The following TTC39C variants were observed in gnomAD, a reference collection of about 807,000 sequenced individuals.
TTC39C encodes the protein tetratricopeptide repeat protein 39C.
In TTC39C, 33 loss-of-function variants were observed where a neutral mutation model predicts 76.3. That is an observed-to-expected ratio of 0.43 (90% confidence interval 0.33 to 0.58). TTC39C has a LOEUF of 0.58. Among genes scored for constraint, TTC39C ranks in the 20% least tolerant of loss-of-function variants. The pLI, the probability that TTC39C is intolerant of heterozygous loss-of-function variation, is 0.04. For missense variants in TTC39C, 595 were observed against 701.4 expected, an observed-to-expected ratio of 0.85 and a Z score of 1.71; for synonymous variants, 254 against 260.6, an observed-to-expected ratio of 0.97 and a Z score of 0.24.
intron 6 of TTC39C, among the ~76,000 whole-genome samples, chr18:24,111,139 T>C (rs970112971): frequency 1.3e-5 from 2 of 152,076 alleles, no homozygotes; most frequent in African/African-American, 2.4e-5. Context: ...TACAGACATG[T>C]GCCACCACGC....
At chr18:24,035,953 T>C (rs901340412) in intron 1 of TTC39C, among the ~76,000 whole-genome samples, 4 of 152,222 alleles carry the variant, frequency 2.6e-5, no homozygotes, top group Admixed American at 2.6e-4. Context: ...CTTAATATTT[T>C]GTATGGTATA....
chr18:24,006,133 C>T (rs2083350323), intron 1 of TTC39C, among the ~76,000 whole-genome samples: 1 of 151,826 alleles, frequency 6.6e-6, no homozygotes, highest in Non-Finnish European at 1.5e-5. Flanking sequence ...CCACCTTAGT[C>T]TCCCAAGGAG....
At chr18:23,999,388 G>T (rs2083294273) in intron 1 of TTC39C, among the ~76,000 whole-genome samples, 1 of 152,174 alleles carries the variant, frequency 6.6e-6, no homozygotes, top group South Asian at 2.1e-4. Flanking sequence ...CTCTGGATGG[G>T]CCATATGGAG....
chr18:24,103,576 C>A (rs1275886901), intron 6 of TTC39C, among the ~76,000 whole-genome samples: 1 of 152,242 alleles, frequency 6.6e-6, no homozygotes, highest in African/African-American at 2.4e-5. Context: ...AGGTCAGCGT[C>A]AGCTTTTATC....
intron 1 of TTC39C, among the ~76,000 whole-genome samples, chr18:24,041,363 C>T (rs1310821838): frequency 6.6e-6 from 1 of 152,200 alleles, no homozygotes; most frequent in East Asian, 1.9e-4. Context: ...ACTCTGGGCT[C>T]CACCTTGCAG....
intron 4 of TTC39C, among the ~76,000 whole-genome samples, chr18:24,071,498 CTTT>C (rs1187132450): frequency 2.0e-5 from 3 of 152,200 alleles, no homozygotes; most frequent in African/African-American, 7.2e-5. Flanking sequence ...GAGAAAATCT[CTTT>C]TTATTAATGA....
chr18:24,060,221 C>A (rs1272238575), intron 1 of TTC39C, among the ~76,000 whole-genome samples: 1 of 152,080 alleles, frequency 6.6e-6, no homozygotes, highest in East Asian at 1.9e-4. Flanking sequence ...TCTCCACAAC[C>A]TTGCCAGCAT....
At chr18:24,013,840 A>T (rs1224036773), upstream of TTC39C, among the ~76,000 whole-genome samples, 2 of 152,270 alleles carry the variant, frequency 1.3e-5, no homozygotes, top group Non-Finnish European at 2.9e-5. Context: ...TTCTGTGATA[A>T]TGGTTAAATT....
At chr18:24,098,413 C>CCTCCTTCCTTCCTCCCTCCCTCCCTCT (rs2084620373) in intron 6 of TTC39C, among the ~76,000 whole-genome samples, 4 of 99,804 alleles carry the variant, frequency 4.0e-5, no homozygotes, top group Non-Finnish European at 7.5e-5. Context: ...TCCCTCCCTC[C>CCTCCTTCCTTCCTCCCTCCCTCCCTCT]CTCCTTCCTT....
At chr18:24,072,216 G>A (rs1368254753) in intron 4 of TTC39C, among the ~76,000 whole-genome samples, 2 of 151,100 alleles carry the variant, frequency 1.3e-5, no homozygotes, top group African/African-American at 4.9e-5. Flanking sequence ...GAGCGGGGCA[G>A]CACTGAGGGG....
At chr18:24,124,887 C>T (rs1053117564) in intron 9 of TTC39C, among the ~76,000 whole-genome samples, 2 of 152,030 alleles carry the variant, frequency 1.3e-5, no homozygotes, top group Admixed American at 6.6e-5. Flanking sequence ...ATATACACTG[C>T]GTCTTTTTTT....
chr18:24,021,836 A>G (rs1001940436), intron 1 of TTC39C, among the ~76,000 whole-genome samples: 4 of 152,180 alleles, frequency 2.6e-5, no homozygotes, highest in Admixed American at 2.6e-4. Flanking sequence ...GTTATTACAG[A>G]GAAAGCCCCT....
intron 1 of TTC39C, chr18:24,019,762 G>C (rs2083496777): frequency 1.1e-6 from 1 of 916,724 alleles, no homozygotes; most frequent in African/African-American, 1.7e-5. Flanking sequence ...GTTATGTGTG[G>C]TCTGTGGTTG....
At chr18:24,057,376 A>G (rs2084029333) in intron 1 of TTC39C, among the ~76,000 whole-genome samples, 1 of 152,210 alleles carries the variant, frequency 6.6e-6, no homozygotes, top group South Asian at 2.1e-4. Context: ...CATACAGTAA[A>G]GAACTTTCAC....
intron 1 of TTC39C, chr18:24,020,004 C>G: frequency 2.1e-6 from 3 of 1,436,406 alleles, no homozygotes; most frequent in Non-Finnish European, 1.8e-6. Context: ...GAAGGACTTG[C>G]AGGCTGTCCA....
At chr18:24,069,299 T>C in intron 4 of TTC39C, 28 bp downstream of exon 4, 1 of 1,583,688 alleles carries the variant, frequency 6.3e-7, no homozygotes, top group Non-Finnish European at 8.7e-7. Context: ...TTTTAATGGT[T>C]TTCAGTATTC....
intron 1 of TTC39C, chr18:24,022,653 C>G: frequency 1.0e-6 from 1 of 985,396 alleles, no homozygotes; most frequent in Non-Finnish European, 1.2e-6. Flanking sequence ...ATCAAACCCC[C>G]AGAGAGATCT....
intron 1 of TTC39C, among the ~76,000 whole-genome samples, chr18:24,018,479 G>T (rs1043580368): frequency 6.6e-6 from 1 of 152,168 alleles, no homozygotes; most frequent in Non-Finnish European, 1.5e-5. Context: ...CAGGCTGTGG[G>T]TTAGGTGCCA....
At chr18:24,105,703 G>T (rs11082943) in intron 6 of TTC39C, among the ~76,000 whole-genome samples, 69,592 of 152,174 alleles carry the variant, frequency 0.46, 18,754 homozygotes, top group Non-Finnish European at 0.62. Flanking sequence ...ATGGGTGATG[G>T]TGGACAGAGG....
Sources: gnomAD v4.1 joint callset for allele counts (sites outside exome capture counted in the v4.1 genomes callset) on GRCh38, gnomAD v4.1.1 for gene constraint, MANE v1.5 for transcripts, NCBI Gene and HGNC (gene_info 2026-07-23, HGNC 2026-07-21) for gene names.